GALNT17: variants seen among roughly 807,000 people sequenced by gnomAD.
The protein encoded by GALNT17 is polypeptide N-acetylgalactosaminyltransferase 17.
A neutral mutation model predicts 63.7 loss-of-function variants in GALNT17; 29 were observed. That is an observed-to-expected ratio of 0.46 (90% CI 0.34 to 0.62). The LOEUF (loss-of-function observed/expected upper bound fraction) is 0.62, where lower values mean the gene tolerates loss of function less well. GALNT17 is among the 20% of genes least tolerant of loss of function. The probability of loss-of-function intolerance (pLI) is 0.01; values close to 1 mark genes in which losing one functional copy is unlikely to be tolerated. For synonymous variants in GALNT17, 305 were observed against 318.3 expected (o/e 0.96, Z 0.45); for missense variants, 603 against 799.6 (o/e 0.75, Z 2.97).
intron 5 of GALNT17, among the ~76,000 whole-genome samples, chr7:71,481,184 C>T (rs973569844): frequency 9.2e-5 from 14 of 152,182 alleles, no homozygotes; most frequent in Admixed American, 2.6e-4. Flanking sequence ...CAGTGGCTCA[C>T]GCCTGTAATC....
intron 2 of GALNT17, among the ~76,000 whole-genome samples, chr7:71,367,207 C>T (rs1299321330): frequency 6.6e-6 from 1 of 152,206 alleles, no homozygotes; most frequent in African/African-American, 2.4e-5. Context: ...ACTTCTCTTG[C>T]CTCTCCTCAT....
intron 5 of GALNT17, among the ~76,000 whole-genome samples, chr7:71,534,404 C>G (rs1333650740): frequency 6.6e-6 from 1 of 152,024 alleles, no homozygotes; most frequent in Non-Finnish European, 1.5e-5. Flanking sequence ...TCGAGACCAT[C>G]CTGGCCAACA....
intron 1 of GALNT17, among the ~76,000 whole-genome samples, chr7:71,133,600 G>A (rs1402949291): frequency 6.6e-6 from 1 of 152,128 alleles, no homozygotes; most frequent in Non-Finnish European, 1.5e-5. Context: ...CCTTCCTGCC[G>A]CCTGTGTTTC....
intron 9 of GALNT17, among the ~76,000 whole-genome samples, chr7:71,693,451 T>G (rs1411709052): frequency 6.6e-6 from 1 of 151,724 alleles, no homozygotes; most frequent in Non-Finnish European, 1.5e-5. Context: ...TGCATATACA[T>G]CATGGAATAC....
chr7:71,559,430 A>G (rs79158842), intron 5 of GALNT17, among the ~76,000 whole-genome samples: 1 of 152,332 alleles, frequency 6.6e-6, no homozygotes, highest in African/African-American at 2.4e-5. Context: ...GCGAGAGATC[A>G]GAGGCCCCCT....
intron 2 of GALNT17, among the ~76,000 whole-genome samples, chr7:71,349,696 A>G (rs1792157774): frequency 6.6e-6 from 1 of 152,342 alleles, no homozygotes; most frequent in South Asian, 2.1e-4. Context: ...TTATTCCTTG[A>G]AAATTCCTTA....
chr7:71,416,867 A>G (rs1217996209), intron 4 of GALNT17, among the ~76,000 whole-genome samples: 1 of 152,202 alleles, frequency 6.6e-6, no homozygotes, highest in Non-Finnish European at 1.5e-5. Flanking sequence ...TTTTCTGCAG[A>G]TAGGCCCTGA....
intron 9 of GALNT17, among the ~76,000 whole-genome samples, chr7:71,694,498 C>T (rs1366119998): frequency 6.6e-6 from 1 of 151,940 alleles, no homozygotes; most frequent in African/African-American, 2.4e-5. Flanking sequence ...CAGATTCAAG[C>T]AATTCTCCTG....
chr7:71,140,403 G>C (rs1403233128), intron 1 of GALNT17, among the ~76,000 whole-genome samples: 2 of 152,208 alleles, frequency 1.3e-5, no homozygotes, highest in East Asian at 3.9e-4. Flanking sequence ...TGAAGAAATA[G>C]GGAGTCCTGT....
Position 71,277,463 on chromosome 7 carries a change from C to G in GALNT17, c.239-58087C>G, listed in dbSNP as rs1016018713. On this transcript the variant is annotated intron_variant, in intron 1 of 10. Coordinates refer to ENST00000333538, the MANE Select transcript of GALNT17 (RefSeq NM_022479.3). ...TCACACAGTATACCTATGTAACATG[C>G]CTGCACATGGACCCTGAACCTAAAA... Among the ~76,000 whole-genome samples, 41 of 152,120 alleles carry G rather than the reference C, an allele frequency of 2.7e-4. 1 individual carries two copies. Among genetic ancestry groups the G allele is most frequent in the Middle Eastern group, 3.4e-3 (1 of 294 alleles).
intron 6 of GALNT17, among the ~76,000 whole-genome samples, chr7:71,580,840 C>T (rs371595200): frequency 6.6e-6 from 1 of 152,078 alleles, no homozygotes; most frequent in Admixed American, 6.6e-5. Flanking sequence ...CAGGCCAGCC[C>T]AGAGGCATTT....
At chr7:71,449,275 C>T (rs1787217720) in intron 5 of GALNT17, among the ~76,000 whole-genome samples, 1 of 151,636 alleles carries the variant, frequency 6.6e-6, no homozygotes, top group East Asian at 1.9e-4. Flanking sequence ...CCACACCTGG[C>T]TAATTTTTGT....
At chr7:71,564,817 T>C (rs1412855115) in intron 5 of GALNT17, among the ~76,000 whole-genome samples, 1 of 152,138 alleles carries the variant, frequency 6.6e-6, no homozygotes, top group Non-Finnish European at 1.5e-5. Flanking sequence ...CACCACTTTG[T>C]TGTGAGAAAT....
chr7:71,550,368 G>GT (rs1006667329), intron 5 of GALNT17, among the ~76,000 whole-genome samples: 4 of 150,638 alleles, frequency 2.7e-5, no homozygotes, highest in African/African-American at 7.3e-5. Flanking sequence ...GTTGTTTTTT[G>GT]TTTTTTTGTG....
At chr7:71,575,294 C>T (rs2116886521) in intron 6 of GALNT17, among the ~76,000 whole-genome samples, 1 of 152,186 alleles carries the variant, frequency 6.6e-6, no homozygotes, top group East Asian at 1.9e-4. Flanking sequence ...AGTGTACACA[C>T]ATACATTTAC....
chr7:71,239,242 T>G (rs1207316503), intron 1 of GALNT17, among the ~76,000 whole-genome samples: 1 of 152,100 alleles, frequency 6.6e-6, no homozygotes, highest in African/African-American at 2.4e-5. Context: ...GGAGGATTAC[T>G]TAGGGCCAGG....
rs184576308 is a variant in GALNT17 at position 71,544,974 on chromosome 7, G to C, written c.963-26311G>C. Among the ~76,000 whole-genome samples, 3 of 151,498 alleles carry C rather than the reference G, an allele frequency of 2.0e-5. No individual in the cohort carries two copies. In the East Asian group the frequency reaches 5.8e-4, roughly 29 times the overall value. On this transcript the variant is annotated intron_variant, in intron 5 of 10. Coordinates refer to ENST00000333538, the MANE Select transcript of GALNT17 (RefSeq NM_022479.3). ...TGAAAGCTTTCTTTACAAATTATTT[G>C]AATGTAGGGCATTTAGTAATTCTCA...
At chr7:71,541,372 G>A (rs1416320303) in intron 5 of GALNT17, among the ~76,000 whole-genome samples, 1 of 151,976 alleles carries the variant, frequency 6.6e-6, no homozygotes, top group Non-Finnish European at 1.5e-5. Context: ...GGCCAACATG[G>A]TGAAATCCCA....
intron 8 of GALNT17, among the ~76,000 whole-genome samples, chr7:71,676,457 C>T (rs980397578): frequency 6.6e-6 from 1 of 151,580 alleles, no homozygotes; most frequent in Non-Finnish European, 1.5e-5. Flanking sequence ...AATCATAGCT[C>T]ACTGCAGCCT....
Sources: allele counts gnomAD v4.1 joint callset (sites outside exome capture counted in the v4.1 genomes callset), GRCh38; gene constraint gnomAD v4.1.1; transcripts MANE v1.5; gene names NCBI Gene and HGNC (gene_info 2026-07-23, HGNC 2026-07-21).